Variants in ACACB observed in about 807,000 individuals in gnomAD.
The protein encoded by ACACB is acetyl-CoA carboxylase 2.
A neutral mutation model predicts 278.8 loss-of-function variants in ACACB; 209 were observed. The ratio of observed to expected loss-of-function variants is 0.75; its 90% CI spans 0.67 to 0.84. The LOEUF is 0.84. ACACB is among the 40% of genes least tolerant of loss of function. The pLI is 0.00. For synonymous variants in ACACB, 1,174 were observed against 1,285.6 expected (o/e 0.91, Z 1.86); for missense variants, 2,850 against 3,269.0 (o/e 0.87, Z 3.13).
intron 17 of ACACB, among the ~76,000 whole-genome samples, chr12:109,198,564 C>T (rs181584127): frequency 1.1e-4 from 16 of 152,176 alleles, no homozygotes; most frequent in African/African-American, 2.9e-4. Context: ...AGTGTGGTGG[C>T]GTGTGCCTGT....
intron 45 of ACACB, among the ~76,000 whole-genome samples, chr12:109,257,440 A>G (rs2047258207): frequency 6.6e-6 from 1 of 152,152 alleles, no homozygotes; most frequent in East Asian, 1.9e-4. Context: ...TTCAGTAGCA[A>G]GTAACTGATG....
rs766795247 is a variant in ACACB, at chr12:109,191,884, G to T, written c.2333G>T (p.Gly778Val). The T allele has an allele frequency of 6.2e-7, 1 of 1,614,190 alleles. No individual in the cohort carries two copies. Among genetic ancestry groups the T allele is most frequent in the Admixed American group, 1.7e-5 (1 of 60,026 alleles). ...KPDIMLGVVC[G>V]ALNVADAMFR... ...GATATCATGCTTGGGGTGGTATGCG[G>T]GGCCTTGAACGTGGCCGATGCGATG... Residue 778 changes from glycine to valine, a missense_variant, in exon 15 of 53, where the codon GGG becomes GTG. By Grantham distance (109) the Gly-to-Val change is moderately radical. Around this residue, in one of 3 missense-constraint regions of ACACB, gnomAD observed 2,265 missense variants for 2,561.3 expected, o/e 0.88. Coordinates refer to ENST00000338432, the MANE Select transcript of ACACB (RefSeq NM_001093.4).
chr12:109,196,365 T>G (rs145851562), intron 16 of ACACB, among the ~76,000 whole-genome samples: 87 of 152,292 alleles, frequency 5.7e-4, no homozygotes, highest in Admixed American at 1.4e-3. Flanking sequence ...CTCACAATTC[T>G]CTAGGCTGGG....
intron 27 of ACACB, among the ~76,000 whole-genome samples, 181 bp from the exon 28 acceptor site, chr12:109,227,190 A>AC (rs2046337098): frequency 6.6e-6 from 1 of 152,112 alleles, no homozygotes; most frequent in Non-Finnish European, 1.5e-5. Flanking sequence ...GGTTCGAGTG[A>AC]CCTACCTGCC....
chr12:109,166,859 A>C lies in ACACB; in HGVS notation c.654-2A>C, dbSNP rs1036336839. Reference sequence around the variant, plus strand: ...CGTCTGTCCCTCATTCTTATTCTGCAGGCCGAGCATGTCGGGACTCCACCT... The same window carrying C: ...CGTCTGTCCCTCATTCTTATTCTGCCGGCCGAGCATGTCGGGACTCCACCT... On this transcript the variant is annotated splice_acceptor_variant, in intron 2 of 52. Coordinates refer to ENST00000338432, the MANE Select transcript of ACACB (RefSeq NM_001093.4). LOFTEE classifies it high-confidence loss of function. 6.2e-7 allele frequency: 1 copy of C among 1,613,996 alleles called. No individual in the cohort carries two copies. The highest frequency in any genetic ancestry group is 8.5e-7 in the Non-Finnish European group (1 of 1,179,994).
intron 47 of ACACB, 41 bp downstream of exon 47, chr12:109,259,149 T>G (rs768458591): frequency 3.1e-6 from 5 of 1,607,806 alleles, no homozygotes; most frequent in East Asian, 2.2e-5. Flanking sequence ...AGCCTTGGGG[T>G]CAGCACCCAG....
In ACACB at chr12:109,222,813, C is replaced by A. The variant is rs767986625; in HGVS notation, c.3693C>A (p.Ser1231=). The change falls in exon 26 of 53, where the codon TCC becomes TCA. Residue 1231 remains serine (S), a synonymous_variant. Transcript: ENST00000338432. ...ALRARQILIA[S]HLPSYELRHN... is the part of the protein sequence containing the mutation. Reference sequence around the variant, plus strand: ...TCCCCCTGCAGATCCTGATTGCCTCCCACCTCCCCTCCTACGAGCTGCGGC... The same window carrying A: ...TCCCCCTGCAGATCCTGATTGCCTCACACCTCCCCTCCTACGAGCTGCGGC... 1.2e-6 allele frequency: 2 copies of A among 1,613,688 alleles called. No individual in the cohort carries two copies. Among genetic ancestry groups the A allele is most frequent in the South Asian group, 1.1e-5 (1 of 91,042 alleles).
Position 109,191,950 on chromosome 12 carries a change from G to C in ACACB, c.2399G>C (p.Arg800Thr). ...CMTDFLHSLERGQVLPADSLL... is the reference protein window; with the variant it reads ...CMTDFLHSLETGQVLPADSLL... ...ACAGATTTCTTACACTCCCTGGAAA[G>C]GTAGGGGCTGTGGCAGTTCCCTTCT... The change falls in exon 15 of 53, where the codon AGG (arginine) becomes ACG (threonine). Residue 800 changes from arginine (R) to threonine (T), a missense_variant and splice_region_variant. Physicochemically the swap from Arg to Thr is moderately conservative, Grantham distance 71. Transcript: ENST00000338432. 2 of 1,614,202 alleles carry C rather than the reference G, an allele frequency of 1.2e-6. No individual in the cohort carries two copies. Among genetic ancestry groups the C allele is most frequent in the South Asian group, 1.1e-5 (1 of 91,078 alleles).
At chr12:109,199,788 C>T (rs944328173) in intron 18 of ACACB, among the ~76,000 whole-genome samples, 12 of 152,110 alleles carry the variant, frequency 7.9e-5, no homozygotes, top group East Asian at 7.8e-4. Context: ...CTGAGGCGGG[C>T]GGATCACGAG....
intron 44 of ACACB, among the ~76,000 whole-genome samples, 167 bp from the exon 45 acceptor site, chr12:109,255,973 G>A (rs1345530665): frequency 6.6e-6 from 1 of 152,206 alleles, no homozygotes; most frequent in Non-Finnish European, 1.5e-5. Context: ...GAGGCATTTT[G>A]GGAAGGAGGG....
chr12:109,188,596 C>T (rs1434424463), intron 13 of ACACB, among the ~76,000 whole-genome samples: 4 of 151,862 alleles, frequency 2.6e-5, no homozygotes, highest in Non-Finnish European at 4.4e-5. Context: ...ATGAAACGGT[C>T]CCCTGGGGCT....
Position 109,247,731 on chromosome 12 carries a change from A to G in ACACB, c.5669+28A>G, listed in dbSNP as rs200442222. The G allele has an allele frequency of 1.9e-3, 2,975 of 1,569,190 alleles. 10 individuals are homozygous for G. Among genetic ancestry groups the G allele is most frequent in the Non-Finnish European group, 2.3e-3 (2,622 of 1,140,922 alleles). On this transcript the variant is annotated intron_variant, in intron 40 of 52. Transcript: ENST00000338432. ...AAATAACTTATCAGGTAGCTCCTTA[A>G]TTTTGCTCATGGTTAATTTCAGCTG...
intron 1 of ACACB, among the ~76,000 whole-genome samples, chr12:109,131,852 T>C (rs7969109): frequency 0.18 from 28,145 of 152,156 alleles, 2,750 homozygotes; most frequent in East Asian, 0.26. Flanking sequence ...TGGCCTTCCC[T>C]GCTCATGGAA....
intron 27 of ACACB, 80 bp downstream of exon 27, chr12:109,223,984 G>A (rs927302075): frequency 8.5e-7 from 1 of 1,177,556 alleles, no homozygotes; most frequent in Non-Finnish European, 1.3e-6. Context: ...CCTGACCCTA[G>A]GCCACATGCC....
chr12:109,177,591 G>T (rs1377745288), intron 9 of ACACB, among the ~76,000 whole-genome samples: 1 of 152,158 alleles, frequency 6.6e-6, no homozygotes, highest in Non-Finnish European at 1.5e-5. Flanking sequence ...GGGAAGAATT[G>T]ATATTAAAAG....
chr12:109,169,303 A>G (rs1297057470), intron 4 of ACACB, among the ~76,000 whole-genome samples: 1 of 152,128 alleles, frequency 6.6e-6, no homozygotes, highest in South Asian at 2.1e-4. Flanking sequence ...CTTCACAGAC[A>G]TGGCCTCATT....
chr12:109,132,154 C>T (rs984150554), intron 1 of ACACB, among the ~76,000 whole-genome samples: 1 of 151,242 alleles, frequency 6.6e-6, no homozygotes, highest in African/African-American at 2.4e-5. Flanking sequence ...ACAATAATAA[C>T]ATCCATTGGG....
Position 109,167,906 on chromosome 12 carries a change from C to T in ACACB, c.797C>T (p.Ala266Val). ...TGTCTTCCCATGCAGGTGCTTATTG[C>T]CAACAACGGGATTGCCGCCGTGAAG... is the stretch of plus-strand genomic sequence containing the variant. ...GDRVIEKVLI[A>V]NNGIAAVKCM... is the part of the protein sequence containing the mutation. The change falls in exon 4 of 53, where the codon GCC becomes GTC. Residue 266 changes from alanine to valine, a missense_variant. This residue lies in a region of ACACB where 2,265 missense variants were observed against 2,561.3 expected (regional missense o/e 0.88). Transcript: ENST00000338432. The T allele has an allele frequency of 6.2e-7, 1 of 1,613,888 alleles. No homozygotes were observed. Among genetic ancestry groups the T allele is most frequent in the Non-Finnish European group, 8.5e-7 (1 of 1,179,952 alleles).
At chr12:109,200,077 ATGAG>A (rs1270262860) in intron 18 of ACACB, among the ~76,000 whole-genome samples, 3 of 152,084 alleles carry the variant, frequency 2.0e-5, no homozygotes, top group Non-Finnish European at 4.4e-5. Flanking sequence ...CTCCCCAGGA[ATGAG>A]TAAGAAGGTT....
Sources: allele counts gnomAD v4.1 joint callset (sites outside exome capture counted in the v4.1 genomes callset), GRCh38; gene constraint gnomAD v4.1.1; regional missense constraint gnomAD v4.1.1; transcripts MANE v1.5; gene names NCBI Gene and HGNC (gene_info 2026-07-23, HGNC 2026-07-21).